Variants in AIRIM observed in about 807,000 individuals in gnomAD.
The protein encoded by AIRIM is AFG2-interacting ribosome maturation factor.
chr1:37,683,322 G>C, the AIRIM span: 1 of 1,614,178 alleles, frequency 6.2e-7, no homozygotes, highest in Admixed American at 1.7e-5. Flanking sequence ...CCAGTACCTT[G>C]TACAAGATCT....
chr1:37,689,936 C>T, the AIRIM span: 31 of 1,493,226 alleles, frequency 2.1e-5, no homozygotes, highest in Non-Finnish European at 2.6e-5. Flanking sequence ...CCAAGTCAGT[C>T]GGGGAGGCAC....
chr1:37,687,059 A>AGTGT, the AIRIM span, among the ~76,000 whole-genome samples: 251 of 141,378 alleles, frequency 1.8e-3, no homozygotes, highest in Admixed American at 3.9e-3. Context: ...CCGTCTCAAA[A>AGTGT]GTGTGTGTGT....
the AIRIM span, chr1:37,689,466 G>A: frequency 2.0e-6 from 2 of 997,310 alleles, no homozygotes; most frequent in South Asian, 3.8e-5. Context: ...CACTGCCCCA[G>A]ATGAAGTAAG....
chr1:37,684,448 C>G, the AIRIM span, among the ~76,000 whole-genome samples: 4 of 152,042 alleles, frequency 2.6e-5, no homozygotes, highest in African/African-American at 9.7e-5. Context: ...GTGAAACCGC[C>G]TCTCTACTAA....
the AIRIM span, chr1:37,683,333 T>C: frequency 3.7e-6 from 6 of 1,614,012 alleles, no homozygotes; most frequent in Non-Finnish European, 3.4e-6. Flanking sequence ...TACAAGATCT[T>C]GGTGTTCGTC....
the AIRIM span, chr1:37,690,553 A>C: frequency 9.1e-7 from 1 of 1,099,634 alleles, no homozygotes; most frequent in Non-Finnish European, 1.2e-6. Context: ...CTCCCCACAA[A>C]GCTACTCCGC....
the AIRIM span, chr1:37,690,207 G>T: frequency 8.3e-7 from 1 of 1,205,480 alleles, no homozygotes; most frequent in Non-Finnish European, 1.1e-6. Context: ...AGTAGACGGG[G>T]TTCCTGACCT....
chr1:37,688,965 CAAAA>C, the AIRIM span, among the ~76,000 whole-genome samples: 15 of 106,336 alleles, frequency 1.4e-4, no homozygotes, highest in African/African-American at 4.3e-4. Context: ...GACCCTGTCT[CAAAA>C]AAAAAAAAAA....
the AIRIM span, chr1:37,682,340 A>C: frequency 6.6e-6 from 1 of 152,494 alleles, no homozygotes; most frequent in Admixed American, 6.5e-5. Flanking sequence ...CAGACCTTGG[A>C]AATGTAACCC....
the AIRIM span, among the ~76,000 whole-genome samples, chr1:37,688,449 T>TC: frequency 6.6e-6 from 1 of 152,052 alleles, no homozygotes; most frequent in African/African-American, 2.4e-5. Flanking sequence ...CCCAGAAACT[T>TC]CCCCACTCCA....
the AIRIM span, chr1:37,683,421 A>G: frequency 6.2e-7 from 1 of 1,613,924 alleles, no homozygotes; most frequent in Admixed American, 1.7e-5. Context: ...GAAAGAAGAT[A>G]CTTTCTCTTC....
the AIRIM span, among the ~76,000 whole-genome samples, chr1:37,685,192 T>TGGGG: frequency 2.5e-3 from 112 of 44,384 alleles, no homozygotes; most frequent in Middle Eastern, 0.014. Context: ...TGCTTTTTTT[T>TGGGG]GGGGGGGGGG....
At chr1:37,691,363 C>G in the AIRIM span, 1 of 152,256 alleles carries the variant, frequency 6.6e-6, no homozygotes, top group South Asian at 2.1e-4. Flanking sequence ...ACTCCCATAG[C>G]CTATAACATG....
the AIRIM span, among the ~76,000 whole-genome samples, chr1:37,688,069 T>C: frequency 1.3e-5 from 2 of 151,804 alleles, no homozygotes; most frequent in Admixed American, 6.6e-5. Flanking sequence ...TTTTCTCTCT[T>C]TTTTTGAGAC....
chr1:37,683,510 C>T, the AIRIM span: 1 of 1,526,676 alleles, frequency 6.6e-7, no homozygotes, highest in Non-Finnish European at 8.9e-7. Context: ...CTGGTGAGAA[C>T]CAGAGGGAGC....
the AIRIM span, among the ~76,000 whole-genome samples, chr1:37,688,224 C>CT: frequency 6.6e-6 from 1 of 151,702 alleles, no homozygotes; most frequent in Non-Finnish European, 1.5e-5. Flanking sequence ...AGCCAGTTAA[C>CT]TTTTTTTATT....
At chr1:37,689,725 T>G in the AIRIM span, 1 of 1,613,920 alleles carries the variant, frequency 6.2e-7, no homozygotes, top group Non-Finnish European at 8.5e-7. Flanking sequence ...GCAGGTTCTG[T>G]GCGGCCTGCA....
At chr1:37,689,515 GA>G in the AIRIM span, 1 of 1,424,506 alleles carries the variant, frequency 7.0e-7, no homozygotes, top group Non-Finnish European at 9.4e-7. Context: ...CTTTCAAGGA[GA>G]AAAACACCTT....
chr1:37,686,235 C>T, the AIRIM span: 2 of 1,559,060 alleles, frequency 1.3e-6, no homozygotes, highest in Non-Finnish European at 1.7e-6. Flanking sequence ...AGACTTAGAA[C>T]AGCTCTGGCT....
Sources: allele counts gnomAD v4.1 joint callset (sites outside exome capture counted in the v4.1 genomes callset), GRCh38; gene constraint gnomAD v4.1.1; transcripts MANE v1.5; gene names NCBI Gene and HGNC (gene_info 2026-07-23, HGNC 2026-07-21).